The following G3BP2 variants were observed in gnomAD, a reference collection of about 807,000 sequenced individuals.
G3BP2 encodes the protein G3BP stress granule assembly factor 2, also known as ras GTPase-activating protein-binding protein 2.
Under a neutral mutation model 56.7 loss-of-function variants are expected in G3BP2, and 11 were observed. That is an observed-to-expected ratio of 0.19 (90% CI 0.12 to 0.32). The LOEUF (loss-of-function observed/expected upper bound fraction) is 0.32. Ranked by LOEUF, G3BP2 falls within the 10% of genes least tolerant of loss-of-function variation. The pLI, the probability that G3BP2 is intolerant of heterozygous loss-of-function variation, is 1.00. For synonymous variants in G3BP2, 165 were observed against 191.6 expected (o/e 0.86, Z 1.15); for missense variants, 340 against 610.9 (o/e 0.56, Z 4.67).
intron 2 of G3BP2, 152 bp downstream of exon 2, chr4:75,661,779 T>C (rs1578398265): frequency 3.5e-6 from 2 of 563,864 alleles, no homozygotes; most frequent in East Asian, 5.9e-5. Context: ...AAAAACACTT[T>C]TTGCCATCAA....
chr4:75,697,142 C>T (rs532511587), intron 3 of G3BP2, among the ~76,000 whole-genome samples: 18 of 151,740 alleles, frequency 1.2e-4, no homozygotes, highest in South Asian at 2.1e-4. Flanking sequence ...GGCTGGGTAG[C>T]GCGTGCCTGT....
chr4:75,695,740 C>T (rs1719088606), intron 3 of G3BP2, among the ~76,000 whole-genome samples: 1 of 151,940 alleles, frequency 6.6e-6, no homozygotes. Flanking sequence ...TTTGGGAGGC[C>T]GAGGCGGGTG....
chr4:75,699,723 C>G lies in G3BP2; in HGVS notation c.-25+21154G>C, dbSNP rs558959191. 2.5e-4 allele frequency among the ~76,000 whole-genome samples: 38 copies of G among 152,226 alleles called. No individual in the cohort carries two copies. The South Asian group carries it at 7.7e-3, about 31-fold the overall frequency. On this transcript the variant is annotated intron_variant, in intron 3 of 3. Coordinates refer to the G3BP2 transcript ENST00000499709. ...ATGGCTCACACTGACATAATATTTTCTCTTATAGTTGTTGTTTTTCAGAAG... is the reference window on the plus strand; with the variant it reads ...ATGGCTCACACTGACATAATATTTTGTCTTATAGTTGTTGTTTTTCAGAAG...
intron 3 of G3BP2, among the ~76,000 whole-genome samples, chr4:75,682,409 C>A: frequency 7.7e-6 from 1 of 129,992 alleles, no homozygotes; most frequent in Non-Finnish European, 1.7e-5. Context: ...AGCGAGACTC[C>A]GTCTCAAAAA....
At chr4:75,681,445 G>A (rs554949156) in intron 3 of G3BP2, among the ~76,000 whole-genome samples, 1 of 152,218 alleles carries the variant, frequency 6.6e-6, no homozygotes, top group Non-Finnish European at 1.5e-5. Context: ...TGAAACACCA[G>A]ACAATACCAA....
chr4:75,662,084 G>T, intron 1 of G3BP2, 35 bp from the exon 2 acceptor site: 1 of 1,120,274 alleles, frequency 8.9e-7, no homozygotes, highest in Non-Finnish European at 1.3e-6. Flanking sequence ...CTATTAAAAA[G>T]TCATCTTTGT....
chr4:75,697,056 C>A (rs1426150247), intron 3 of G3BP2, among the ~76,000 whole-genome samples: 12 of 151,970 alleles, frequency 7.9e-5, no homozygotes, highest in Non-Finnish European at 1.6e-4. Context: ...GCAGGCGGAT[C>A]ACAAGGTCAG....
chr4:75,687,819 G>T (rs1284015269), intron 3 of G3BP2, among the ~76,000 whole-genome samples: 4 of 152,188 alleles, frequency 2.6e-5, no homozygotes, highest in African/African-American at 9.7e-5. Context: ...CCTTGTCTAT[G>T]ATAAATAACT....
At chr4:75,689,977 G>A (rs1178503556) in intron 3 of G3BP2, among the ~76,000 whole-genome samples, 1 of 152,198 alleles carries the variant, frequency 6.6e-6, no homozygotes, top group Non-Finnish European at 1.5e-5. Context: ...ATCCTGATCT[G>A]TGTGCTGGTT....
chr4:75,653,748 T>C (rs1010908808), intron 8 of G3BP2, among the ~76,000 whole-genome samples: 1 of 152,154 alleles, frequency 6.6e-6, no homozygotes, highest in African/African-American at 2.4e-5. Flanking sequence ...AATGACAATA[T>C]TATATACTGG....
intron 3 of G3BP2, among the ~76,000 whole-genome samples, chr4:75,695,954 A>C (rs550787107): frequency 6.8e-6 from 1 of 146,026 alleles, no homozygotes; most frequent in Non-Finnish European, 1.5e-5. Flanking sequence ...AGACTGGGCC[A>C]CAAGAGTGAA....
chr4:75,682,382 C>G (rs1050632016), intron 3 of G3BP2, among the ~76,000 whole-genome samples: 2 of 148,198 alleles, frequency 1.3e-5, no homozygotes, highest in African/African-American at 5.0e-5. Flanking sequence ...TGCCACTGCA[C>G]TCCGGCCTTG....
At chr4:75,653,919 T>C (rs1731900597) in intron 8 of G3BP2, 64 bp downstream of exon 8, 1 of 760,896 alleles carries the variant, frequency 1.3e-6, no homozygotes, top group Admixed American at 2.2e-5. Context: ...TTTAAAAGTA[T>C]TTTAAAAATA....
At chr4:75,680,240 T>C (rs1734019447) in intron 3 of G3BP2, among the ~76,000 whole-genome samples, 2 of 152,150 alleles carry the variant, frequency 1.3e-5, no homozygotes, top group Non-Finnish European at 2.9e-5. Context: ...TAAGTTAATA[T>C]AAAAGAGTGT....
intron 3 of G3BP2, among the ~76,000 whole-genome samples, chr4:75,704,970 C>T (rs1719488717): frequency 6.6e-6 from 1 of 152,192 alleles, no homozygotes; most frequent in Non-Finnish European, 1.5e-5. Flanking sequence ...GAGATTTAAG[C>T]CTGTTCAACC....
intron 3 of G3BP2, among the ~76,000 whole-genome samples, chr4:75,711,816 CAGCTGCAACATGG>C (rs771222715): frequency 4.3e-4 from 66 of 152,224 alleles, no homozygotes; most frequent in Admixed American, 9.2e-4. Flanking sequence ...GCTCGGGCAT[CAGCTGCAACATGG>C]AGCCCCTTGG....
chr4:75,650,407 CAA>C (rs1731587681), intron 8 of G3BP2, among the ~76,000 whole-genome samples: 1 of 81,352 alleles, frequency 1.2e-5, no homozygotes. Flanking sequence ...GCCTGGGCAA[CAA>C]GAGAGAAACT....
intron 3 of G3BP2, among the ~76,000 whole-genome samples, chr4:75,691,408 T>G (rs1718851155): frequency 2.0e-5 from 3 of 151,964 alleles, no homozygotes; most frequent in African/African-American, 7.2e-5. Context: ...GGGGTCTCAC[T>G]ATGCTGGCCA....
Position 75,646,874 on chromosome 4 carries a change from A to G in G3BP2, c.1057+155T>C, listed in dbSNP as rs1438013922. 13 of 554,444 alleles carry G rather than the reference A, an allele frequency of 2.3e-5. No homozygotes were observed. The East Asian group carries it at 3.0e-4, about 13-fold the overall frequency. The allele number at this position is 554,444 out of a possible 1,614,324, so 34.3% of individuals were successfully genotyped here. ...CACTGAGAAACATGTGAGATAAGTC[A>G]TCTACTCCCTTCTGCACAATTAAGG... On this transcript the variant is annotated intron_variant, in intron 10 of 11. Transcript: ENST00000359707.
Sources: allele counts gnomAD v4.1 joint callset (sites outside exome capture counted in the v4.1 genomes callset), GRCh38; gene constraint gnomAD v4.1.1; transcripts MANE v1.5; gene names NCBI Gene and HGNC (gene_info 2026-07-23, HGNC 2026-07-21).